Variants in ADCY8 observed in about 807,000 individuals in gnomAD.
ADCY8 encodes the protein adenylate cyclase 8.
In ADCY8, 51 loss-of-function variants were observed where a neutral mutation model predicts 119.7. That is an observed-to-expected ratio of 0.43 (90% CI 0.34 to 0.54). The LOEUF (loss-of-function observed/expected upper bound fraction) is 0.54. Among genes scored for constraint, ADCY8 ranks in the 20% least tolerant of loss-of-function variants. ADCY8 has a pLI of 0.03. For missense variants in ADCY8, 1,383 were observed against 1,598.8 expected (o/e 0.87, Z 2.30); for synonymous variants, 665 against 651.0 (o/e 1.02, Z -0.33).
chr8:130,965,887 A>C (rs917122559), intron 2 of ADCY8, among the ~76,000 whole-genome samples: 1 of 152,216 alleles, frequency 6.6e-6, no homozygotes, highest in Admixed American at 6.5e-5. Flanking sequence ...AGCTAAAAGG[A>C]AATTTGCAAT....
In ADCY8 at chr8:130,887,809, C is replaced by T. The variant is rs185365968; in HGVS notation, c.1912-3048G>A. Among the ~76,000 whole-genome samples the T allele has an allele frequency of 1.6e-3, 249 of 152,214 alleles. 4 individuals are homozygous for T. The South Asian group carries it at 0.02, about 12-fold the overall frequency. On this transcript the variant is annotated intron_variant, in intron 7 of 17. Coordinates refer to ENST00000286355, the MANE Select transcript of ADCY8 (RefSeq NM_001115.3). The stretch of plus-strand genomic sequence containing the variant: ...TCTCATTAGTCATTAGTAATGACCA[C>T]TAAGATGTCACCTTCAGTGGGATAA...
At chr8:131,005,346 G>A (rs910249216) in intron 1 of ADCY8, among the ~76,000 whole-genome samples, 1 of 152,186 alleles carries the variant, frequency 6.6e-6, no homozygotes, top group Non-Finnish European at 1.5e-5. Context: ...CATACAGGCT[G>A]CCTCCATACT....
intron 9 of ADCY8, among the ~76,000 whole-genome samples, chr8:130,862,884 T>C (rs1053649569): frequency 6.6e-5 from 10 of 152,198 alleles, no homozygotes; most frequent in African/African-American, 2.4e-4. Context: ...TCTTTTAAAT[T>C]TATGAAGGTG....
chr8:130,923,404 A>G (rs974385559), intron 5 of ADCY8, among the ~76,000 whole-genome samples: 11 of 152,228 alleles, frequency 7.2e-5, no homozygotes, highest in African/African-American at 2.7e-4. Context: ...TTGTCCTGCC[A>G]TATTGCTTGG....
chr8:130,992,392 TATATATATATATATATATA>T (rs1563758979), intron 1 of ADCY8, among the ~76,000 whole-genome samples: 6 of 105,710 alleles, frequency 5.7e-5, no homozygotes, highest in African/African-American at 1.0e-4. Context: ...CATATATATA[TATATATATATATATATATA>T]TATATATATA....
intron 12 of ADCY8, among the ~76,000 whole-genome samples, chr8:130,830,033 C>G (rs12549193): frequency 0.23 from 35,468 of 152,060 alleles, 4,270 homozygotes; most frequent in Admixed American, 0.3. Flanking sequence ...TAGCCAGAAA[C>G]CTTTGTCATC....
At chr8:130,922,206 TTC>T (rs1288267899) in intron 5 of ADCY8, among the ~76,000 whole-genome samples, 2 of 150,460 alleles carry the variant, frequency 1.3e-5, no homozygotes, top group Non-Finnish European at 2.9e-5. Context: ...TAAATTCCCT[TTC>T]TTTTTTTTTT....
intron 1 of ADCY8, among the ~76,000 whole-genome samples, chr8:131,009,004 G>C (rs1347611506): frequency 2.0e-5 from 3 of 152,168 alleles, no homozygotes; most frequent in Admixed American, 6.5e-5. Flanking sequence ...GCGGCAAAAG[G>C]TTCAAGAGAA....
intron 3 of ADCY8, among the ~76,000 whole-genome samples, chr8:130,946,862 C>T (rs139039084): frequency 6.6e-6 from 1 of 152,232 alleles, no homozygotes; most frequent in East Asian, 1.9e-4. Context: ...TCTGCTTTAA[C>T]TGAGCCGTAG....
chr8:130,798,514 C>A (rs1469367629), intron 15 of ADCY8, among the ~76,000 whole-genome samples: 1 of 151,942 alleles, frequency 6.6e-6, no homozygotes, highest in Non-Finnish European at 1.5e-5. Context: ...AGGTGGCCTG[C>A]AGTAAGAGGT....
At chr8:130,890,619 G>T (rs1265286464) in intron 7 of ADCY8, among the ~76,000 whole-genome samples, 1 of 152,170 alleles carries the variant, frequency 6.6e-6, no homozygotes, top group Non-Finnish European at 1.5e-5. Flanking sequence ...TTTAAAGGCA[G>T]CCTAGTGACG....
At chr8:130,820,782 A>G (rs1057513942) in intron 13 of ADCY8, among the ~76,000 whole-genome samples, 3 of 152,230 alleles carry the variant, frequency 2.0e-5, no homozygotes, top group Non-Finnish European at 4.4e-5. Flanking sequence ...ATTAGGACAG[A>G]TCTGTAACGA....
chr8:130,920,062 G>A (rs925770571), intron 5 of ADCY8, among the ~76,000 whole-genome samples: 3 of 149,130 alleles, frequency 2.0e-5, no homozygotes, highest in African/African-American at 7.4e-5. Flanking sequence ...AAGATCCCCT[G>A]AGCCCAGGAT....
At chr8:130,971,362 A>T (rs2130705247) in intron 2 of ADCY8, among the ~76,000 whole-genome samples, 1 of 152,302 alleles carries the variant, frequency 6.6e-6, no homozygotes, top group South Asian at 2.1e-4. Context: ...ACTGAACATG[A>T]TATTGATACA....
At position 130,951,909 on chromosome 8, in the gene ADCY8, G is replaced by A. The variant is rs1259029493; in HGVS notation, c.1200C>T (p.His400=). 13 of 1,614,020 alleles carry A rather than the reference G, an allele frequency of 8.1e-6. No individual in the cohort carries two copies. The highest frequency in any genetic ancestry group is 1.1e-5 in the Non-Finnish European group (13 of 1,179,990). Reference sequence around the variant, plus strand: ...GATGGATGTAGATCCGATGGAACTGGTGCTGCAGGTGCTCATCTTCCACAT... The same window carrying A: ...GATGGATGTAGATCCGATGGAACTGATGCTGCAGGTGCTCATCTTCCACAT... ...MTNVEDEHLQ[H]QFHRIYIHRY... is the part of the protein sequence containing the mutation. Residue 400 remains histidine, a synonymous_variant, in exon 3 of 18, where the codon CAC becomes CAT. Transcript: ENST00000286355.
chr8:130,800,461 G>T lies in ADCY8; in HGVS notation c.3025C>A (p.Arg1009Ser). 1 of 1,614,140 alleles carries T rather than the reference G, an allele frequency of 6.2e-7. No individual in the cohort carries two copies. The highest frequency in any genetic ancestry group is 8.5e-7 in the Non-Finnish European group (1 of 1,180,022). ...TCAGCAATGATCTCATTGAGCAAGC[G>T]CAGGCATTCCACTCCCTGGTTATTC... ...EMNNQGVECL[R>S]LLNEIIADFD... Residue 1009 changes from arginine (R) to serine (S), a missense_variant, in exon 15 of 18, where the codon CGC (arginine) becomes AGC (serine). This residue lies in a region of ADCY8 where 928 missense variants were observed against 1,163.5 expected (regional missense o/e 0.80). Coordinates refer to ENST00000286355, the MANE Select transcript of ADCY8 (RefSeq NM_001115.3).
At chr8:130,925,757 A>C (rs1307470776) in intron 5 of ADCY8, among the ~76,000 whole-genome samples, 1 of 152,218 alleles carries the variant, frequency 6.6e-6, no homozygotes, top group East Asian at 1.9e-4. Context: ...GTTTAATTAA[A>C]ATTTGTATGT....
intron 1 of ADCY8, 182 bp from the exon 2 acceptor site, chr8:130,990,724 GA>G (rs1822551801): frequency 2.9e-6 from 2 of 686,188 alleles, no homozygotes; most frequent in Non-Finnish European, 4.4e-6. Context: ...TCCCTTTGGA[GA>G]GGGCTTCTTT....
chr8:130,998,500 T>C (rs2130757461), intron 1 of ADCY8, among the ~76,000 whole-genome samples: 1 of 152,226 alleles, frequency 6.6e-6, no homozygotes, highest in South Asian at 2.1e-4. Context: ...CTGAAAGGTC[T>C]CAAAGGGCCA....
Sources: gnomAD v4.1 joint callset for allele counts (sites outside exome capture counted in the v4.1 genomes callset) on GRCh38, gnomAD v4.1.1 for gene constraint, gnomAD v4.1.1 regional missense constraint, MANE v1.5 for transcripts, NCBI Gene and HGNC (gene_info 2026-07-23, HGNC 2026-07-21) for gene names.